CTNNA2: variants seen among roughly 807,000 people sequenced by gnomAD.
CTNNA2 encodes catenin alpha-2.
In CTNNA2, 42 loss-of-function variants were observed where a neutral mutation model predicts 101.0. That is an observed-to-expected ratio of 0.42 (90% CI 0.32 to 0.54). The LOEUF is 0.54. Among genes scored for constraint, CTNNA2 ranks in the 20% least tolerant of loss-of-function variants. The pLI is 0.14. For missense variants in CTNNA2, 871 were observed against 1,223.1 expected (o/e 0.71, Z 4.29); for synonymous variants, 450 against 456.4 (o/e 0.99, Z 0.18).
intron 4 of CTNNA2, among the ~76,000 whole-genome samples, chr2:79,472,855 T>C (rs1336825623): frequency 6.6e-6 from 1 of 152,202 alleles, no homozygotes; most frequent in Non-Finnish European, 1.5e-5. Flanking sequence ...CCTTCAACAA[T>C]TTGCTGAGAA....
intron 18 of CTNNA2, among the ~76,000 whole-genome samples, chr2:80,623,316 A>C (rs1239080637): frequency 6.6e-6 from 1 of 151,642 alleles, no homozygotes; most frequent in African/African-American, 2.4e-5. Context: ...AATCATTTTA[A>C]AAGACATATT....
intron 1 of CTNNA2, among the ~76,000 whole-genome samples, chr2:79,642,228 G>T (rs1409539674): frequency 6.6e-6 from 1 of 152,140 alleles, no homozygotes; most frequent in African/African-American, 2.4e-5. Flanking sequence ...TGAGTGTTTT[G>T]TTAAAAGGTG....
At chr2:80,222,062 A>C (rs1257252786) in intron 7 of CTNNA2, among the ~76,000 whole-genome samples, 1 of 152,184 alleles carries the variant, frequency 6.6e-6, no homozygotes, top group African/African-American at 2.4e-5. Context: ...ATGTAGAATT[A>C]TGGAGAGCAA....
At chr2:79,884,236 A>C (rs766357864) in intron 6 of CTNNA2, among the ~76,000 whole-genome samples, 24 of 152,148 alleles carry the variant, frequency 1.6e-4, no homozygotes, top group Non-Finnish European at 3.1e-4. Flanking sequence ...TTGCTCCTTC[A>C]GTTTCTCCTC....
intron 6 of CTNNA2, among the ~76,000 whole-genome samples, chr2:79,907,442 A>G (rs902714927): frequency 2.6e-5 from 4 of 152,168 alleles, no homozygotes; most frequent in East Asian, 3.9e-4. Context: ...GATGGTTCCA[A>G]TGGATGCCCC....
At chr2:79,593,851 A>G (rs1385428766) in intron 1 of CTNNA2, among the ~76,000 whole-genome samples, 1 of 147,072 alleles carries the variant, frequency 6.8e-6, no homozygotes, top group African/African-American at 2.5e-5. Context: ...CTTCAGTTGC[A>G]TCTGAGCCCC....
chr2:79,432,403 C>T (rs999719878), intron 4 of CTNNA2, among the ~76,000 whole-genome samples: 2 of 152,170 alleles, frequency 1.3e-5, no homozygotes, highest in Non-Finnish European at 2.9e-5. Flanking sequence ...CTATGTAATG[C>T]TTCAACTACA....
Position 79,830,298 on chromosome 2 carries a change from CAA to C in CTNNA2, c.299-27713_299-27712del, listed in dbSNP as rs1018220282. The stretch of plus-strand genomic sequence containing the variant: ...TGGACTTCAGAGAGACAGCCATGGG[CAA>C]AGAGTCCTGGCACTGACTTGGAAGT... On this transcript the variant is annotated intron_variant, in intron 3 of 18. Coordinates refer to ENST00000402739, the MANE Select transcript of CTNNA2 (RefSeq NM_001282597.3). Among the ~76,000 whole-genome samples, 6 of 152,242 alleles carry C rather than the reference CAA, an allele frequency of 3.9e-5. No homozygotes were observed. The South Asian group carries it at 6.2e-4, about 16-fold the overall frequency.
intron 7 of CTNNA2, among the ~76,000 whole-genome samples, chr2:80,016,227 A>C: frequency 6.6e-6 from 1 of 152,374 alleles, no homozygotes; most frequent in East Asian, 1.9e-4. Context: ...AAGGGCAACA[A>C]GTAAGTGCTA....
In CTNNA2 at chr2:79,261,096, A is replaced by G. The variant is rs114191896; in HGVS notation, c.-405-51613A>G. On this transcript the variant is annotated intron_variant, in intron 2 of 21. Coordinates refer to the CTNNA2 transcript ENST00000466387. ...AATGTAGATACAGAAGAGGCAGGAA[A>G]AGACTTTAACATAATCTGCTCTATC... is the stretch of plus-strand genomic sequence containing the variant. 6.0e-3 allele frequency among the ~76,000 whole-genome samples: 910 copies of G among 152,258 alleles called. 9 individuals are homozygous for G. Among genetic ancestry groups the G allele is most frequent in the African/African-American group, 0.021 (863 of 41,534 alleles).
At chr2:79,687,716 T>C in intron 2 of CTNNA2, 1 of 481,938 alleles carries the variant, frequency 2.1e-6, no homozygotes, top group Non-Finnish European at 3.7e-6. Flanking sequence ...ATCTTTTGAA[T>C]GTATTGTGAC....
chr2:79,492,201 G>A (rs1342771354), intron 4 of CTNNA2, among the ~76,000 whole-genome samples: 1 of 151,322 alleles, frequency 6.6e-6, no homozygotes, highest in Non-Finnish European at 1.5e-5. Context: ...TTTTTAATGT[G>A]GCCTATTAGA....
At chr2:80,404,515 G>T (rs1335310082) in intron 8 of CTNNA2, among the ~76,000 whole-genome samples, 4 of 152,170 alleles carry the variant, frequency 2.6e-5, no homozygotes, top group Non-Finnish European at 5.9e-5. Context: ...TAGTAAGTAT[G>T]TGGTTACATG....
At chr2:79,761,232 A>T (rs1672768203) in intron 3 of CTNNA2, among the ~76,000 whole-genome samples, 1 of 152,054 alleles carries the variant, frequency 6.6e-6, no homozygotes, top group African/African-American at 2.4e-5. Flanking sequence ...TTAGGTTCAC[A>T]TTTTTTGCCA....
rs186291979 is a variant in CTNNA2, at chr2:79,215,539, G to C, written c.-406+17463G>C. 3.3e-3 allele frequency among the ~76,000 whole-genome samples: 506 copies of C among 152,260 alleles called. 2 individuals are homozygous for C. The highest frequency in any genetic ancestry group is 0.012 in the African/African-American group (493 of 41,560). On this transcript the variant is annotated intron_variant, in intron 2 of 21. Transcript: ENST00000466387. ...TTATTTAATGTCAGGAGCAGATTGG[G>C]TAATAAAACGTATTTTGAGAATAAG...
chr2:79,825,163 A>C (rs2105396985), intron 3 of CTNNA2, among the ~76,000 whole-genome samples: 1 of 152,300 alleles, frequency 6.6e-6, no homozygotes, highest in East Asian at 1.9e-4. Context: ...CACTCCGACC[A>C]GGGTGACAGA....
chr2:79,478,754 CT>C (rs1312841569), intron 4 of CTNNA2, among the ~76,000 whole-genome samples: 1 of 151,974 alleles, frequency 6.6e-6, no homozygotes, highest in Admixed American at 6.5e-5. Context: ...TACCTCTACC[CT>C]TTTTGGAATC....
chr2:80,178,603 C>G (rs1705549431), intron 7 of CTNNA2, among the ~76,000 whole-genome samples: 1 of 152,174 alleles, frequency 6.6e-6, no homozygotes, highest in African/African-American at 2.4e-5. Flanking sequence ...GGACCTGTTG[C>G]AGAGCCTTCT....
Position 80,187,818 on chromosome 2 carries a change from T to TA in CTNNA2, c.1057-205379dup, listed in dbSNP as rs112284918. On this transcript the variant is annotated intron_variant, in intron 7 of 18. Coordinates refer to ENST00000402739, the MANE Select transcript of CTNNA2 (RefSeq NM_001282597.3). Reference sequence around the variant, plus strand: ...CTACATCTCTGAGAAATTTAAACACTAAAAAAAAAAAAAATGCTTTTTTCT... The same window carrying TA: ...CTACATCTCTGAGAAATTTAAACACTAAAAAAAAAAAAAAATGCTTTTTTCT... Among the ~76,000 whole-genome samples the TA allele has an allele frequency of 8.1e-3, 1,143 of 141,020 alleles. 12 individuals carry two copies. The highest frequency in any genetic ancestry group is 0.021 in the African/African-American group (815 of 38,684). 92.5% of individuals were successfully genotyped at this position (141,020 alleles called of 152,430 possible).
Sources: gnomAD v4.1 joint callset for allele counts (sites outside exome capture counted in the v4.1 genomes callset) on GRCh38, gnomAD v4.1.1 for gene constraint, MANE v1.5 for transcripts, NCBI Gene and HGNC (gene_info 2026-07-23, HGNC 2026-07-21) for gene names.